The following LSM7 variants were observed in gnomAD, a reference collection of about 807,000 sequenced individuals.
LSM7 encodes LSM7 homolog, U6 small nuclear RNA and mRNA degradation associated.
LSM7 carries 13 observed loss-of-function variants against 14.1 expected under a neutral mutation model. The observed-to-expected ratio is 0.92, with a 90% confidence interval of 0.60 to 1.47. The LOEUF (loss-of-function observed/expected upper bound fraction) is 1.47. Ranked by LOEUF, LSM7 falls within the 40% of genes most tolerant of loss-of-function variation. The pLI, the probability that LSM7 is intolerant of heterozygous loss-of-function variation, is 0.00. For synonymous variants in LSM7, 70 were observed against 57.1 expected, an observed-to-expected ratio of 1.23 and a Z score of -1.02; for missense variants, 108 against 140.8, an observed-to-expected ratio of 0.77 and a Z score of 1.18.
At chr19:2,324,254 G>GGGCCCGCCCCAGCAT (rs1599179028) in intron 2 of LSM7, 58 bp from the exon 3 acceptor site, 17 of 1,380,522 alleles carry the variant, frequency 1.2e-5, no homozygotes, top group Non-Finnish European at 1.6e-5. Context: ...CCTGGGCGCA[G>GGGCCCGCCCCAGCAT]GGCCCGCCCC....
At chr19:2,323,506 A>ACG (rs1967965430) in intron 3 of LSM7, among the ~76,000 whole-genome samples, 2 of 152,156 alleles carry the variant, frequency 1.3e-5, no homozygotes, top group Non-Finnish European at 2.9e-5. Flanking sequence ...GCTGGAGTGC[A>ACG]GTTGCACCAT....
At position 2,324,393 on chromosome 19, in the gene LSM7, G is replaced by A. The variant is rs1015449510; in HGVS notation, c.98-197C>T. On this transcript the variant is annotated intron_variant, in intron 2 of 3. Coordinates refer to ENST00000252622, the MANE Select transcript of LSM7 (RefSeq NM_016199.3). ...ACCACAGGCAGCAGACCACGTCTGCGGGGGGCCAGATGGCAAACACTTCTG... is the reference window on the plus strand; with the variant it reads ...ACCACAGGCAGCAGACCACGTCTGCAGGGGGCCAGATGGCAAACACTTCTG... 2.0e-4 allele frequency: 114 copies of A among 573,712 alleles called. 1 individual carries two copies. The highest frequency in any genetic ancestry group is 3.1e-4 in the Non-Finnish European group (99 of 315,748). The allele number at this position is 573,712 out of a possible 1,614,324, so 35.5% of individuals were successfully genotyped here.
At chr19:2,322,101 AC>A in intron 3 of LSM7, among the ~76,000 whole-genome samples, 1 of 152,158 alleles carries the variant, frequency 6.6e-6, no homozygotes, top group East Asian at 1.9e-4. Flanking sequence ...ATAGCCGGCT[AC>A]CCCGCGTCTC....
At chr19:2,322,527 C>T (rs995969563) in intron 3 of LSM7, among the ~76,000 whole-genome samples, 23 of 152,096 alleles carry the variant, frequency 1.5e-4, no homozygotes, top group South Asian at 2.1e-4. Flanking sequence ...GGTGACAGAG[C>T]GAGATTCCAT....
At chr19:2,324,753 A>G (rs1459161701) in intron 2 of LSM7, 1 of 155,494 alleles carries the variant, frequency 6.4e-6, no homozygotes, top group African/African-American at 2.4e-5. Flanking sequence ...TGAGGACGTC[A>G]CGCTCAGTGA....
intron 3 of LSM7, among the ~76,000 whole-genome samples, chr19:2,323,498 T>C (rs1164991195): frequency 1.3e-5 from 2 of 152,216 alleles, no homozygotes; most frequent in African/African-American, 2.4e-5. Context: ...TTACTCAGGC[T>C]GGAGTGCAGT....
At chr19:2,327,004 C>A (rs1968037140) in intron 2 of LSM7, among the ~76,000 whole-genome samples, 1 of 152,144 alleles carries the variant, frequency 6.6e-6, no homozygotes, top group Admixed American at 6.5e-5. Context: ...AGAAGAAGAC[C>A]CCAAGATGAT....
chr19:2,326,637 ATTG>A (rs1232594104), intron 2 of LSM7, among the ~76,000 whole-genome samples: 2 of 152,158 alleles, frequency 1.3e-5, no homozygotes, highest in East Asian at 1.9e-4. Flanking sequence ...CGCCCAGTTA[ATTG>A]TTGTACTTTT....
In LSM7 at chr19:2,328,448, G is replaced by T. The variant is rs1568423265; in HGVS notation, c.36C>A (p.Ile12=). 6.2e-7 allele frequency: 1 copy of T among 1,613,952 alleles called. No individual in the cohort carries two copies. The highest frequency in any genetic ancestry group is 8.5e-7 in the Non-Finnish European group (1 of 1,179,874). The change falls in exon 2 of 4, where the codon ATC becomes ATA. Residue 12 remains isoleucine, a synonymous_variant. Coordinates refer to ENST00000252622, the MANE Select transcript of LSM7 (RefSeq NM_016199.3). ...ADKEKKKKES[I]LDLSKYIDKT... is the part of the protein sequence containing the mutation. ...TGTCGATGTACTTGGACAAGTCCAA[G>T]ATGCTCTCCTTTTTCTTCTTCTCCT...
chr19:2,326,820 T>C (rs945000565), intron 2 of LSM7, among the ~76,000 whole-genome samples: 1 of 152,206 alleles, frequency 6.6e-6, no homozygotes, highest in Non-Finnish European at 1.5e-5. Flanking sequence ...TAACTGAATA[T>C]GGACAAATGT....
chr19:2,323,753 C>T (rs1049901793), intron 3 of LSM7, among the ~76,000 whole-genome samples: 1 of 152,168 alleles, frequency 6.6e-6, no homozygotes, highest in African/African-American at 2.4e-5. Flanking sequence ...TGCCTGGCCT[C>T]TCACGTCACC....
At chr19:2,326,546 G>C (rs1968022014) in intron 2 of LSM7, among the ~76,000 whole-genome samples, 1 of 152,212 alleles carries the variant, frequency 6.6e-6, no homozygotes. Flanking sequence ...ATGTAGGCCA[G>C]GCTGGTCTCA....
In LSM7 at chr19:2,322,960, C is replaced by T. The variant is rs183450073; in HGVS notation, c.170-1138G>A. On this transcript the variant is annotated intron_variant, in intron 3 of 3. Transcript: ENST00000252622. ...CTCAAATTCCTGGGCTCGAGTGATC[C>T]TCCTGTCTTGGCCTCCCAAAGTGCT... 2.1e-3 allele frequency among the ~76,000 whole-genome samples: 314 copies of T among 152,104 alleles called. 3 individuals carry two copies. Among genetic ancestry groups the T allele is most frequent in the Admixed American group, 4.4e-3 (67 of 15,276 alleles).
At chr19:2,323,341 G>T (rs987278368) in intron 3 of LSM7, among the ~76,000 whole-genome samples, 2 of 152,186 alleles carry the variant, frequency 1.3e-5, no homozygotes, top group African/African-American at 4.8e-5. Flanking sequence ...GCTGCTCTCC[G>T]CTGGGCGCCA....
chr19:2,324,259 C>T (rs996285695), intron 2 of LSM7, 63 bp from the exon 3 acceptor site: 21 of 1,333,294 alleles, frequency 1.6e-5, no homozygotes, highest in East Asian at 5.0e-5. Flanking sequence ...GCGCAGGGCC[C>T]GCCCCAGCAT....
rs1967940139 is a variant in LSM7 at position 2,321,893 on chromosome 19, C to T, written c.170-71G>A. ...TCCGAGACCCCCCACCCACCCAAGA[C>T]CCTCGCTCCGACCTCCCCACCTGCA... On this transcript the variant is annotated intron_variant, in intron 3 of 3. Coordinates refer to ENST00000252622, the MANE Select transcript of LSM7 (RefSeq NM_016199.3). This position sits in a 1 kb window ranked among gnomAD's most constrained non-coding sequence, Gnocchi z 5.0. 2.3e-6 allele frequency: 3 copies of T among 1,308,490 alleles called. No homozygotes were observed. The East Asian group carries it at 9.5e-5, about 42-fold the overall frequency. 81.1% of individuals were successfully genotyped at this position (1,308,490 alleles called of 1,614,324 possible).
At position 2,321,809 on chromosome 19, in the gene LSM7, C is replaced by G; in HGVS notation, c.183G>C (p.Gln61His). 1 of 1,509,958 alleles carries G rather than the reference C, an allele frequency of 6.6e-7. No homozygotes were observed. The highest frequency in any genetic ancestry group is 8.9e-7 in the Non-Finnish European group (1 of 1,124,568). 93.5% of individuals were successfully genotyped at this position (1,509,958 alleles called of 1,614,324 possible). ...GCCGGGTGTCCTCCGTGAGCTTGTA[C>G]TGGTCGTCAGGGTCTGGGGAGGAGC... ...TIEYMRDPDD[Q>H]YKLTEDTRQL... is the part of the protein sequence containing the mutation. The change falls in exon 4 of 4, where the codon CAG (glutamine) becomes CAC (histidine). Residue 61 changes from glutamine (Q) to histidine (H), a missense_variant. Transcript: ENST00000252622. The surrounding 1 kb of genome is among the most constrained non-coding windows in gnomAD (Gnocchi z 5.0).
intron 2 of LSM7, among the ~76,000 whole-genome samples, chr19:2,327,172 A>G (rs1968041898): frequency 6.6e-6 from 1 of 152,274 alleles, no homozygotes; most frequent in Admixed American, 6.5e-5. Context: ...AAAGGGAAGC[A>G]GTGTGACCAG....
Position 2,328,376 on chromosome 19 carries a change from A to G in LSM7, c.97+11T>C. ...TTAAAGAGGGGGTACCGACAGCGGGAGCCTCCTCACCTTCGCGGCCTCCCT... is the reference window on the plus strand; with the variant it reads ...TTAAAGAGGGGGTACCGACAGCGGGGGCCTCCTCACCTTCGCGGCCTCCCT... On this transcript the variant is annotated intron_variant, in intron 2 of 3. Transcript: ENST00000252622. 2 of 1,613,016 alleles carry G rather than the reference A, an allele frequency of 1.2e-6. No individual in the cohort carries two copies. Among genetic ancestry groups the G allele is most frequent in the African/African-American group, 1.3e-5 (1 of 74,998 alleles).
Sources: gnomAD v4.1 joint callset for allele counts (sites outside exome capture counted in the v4.1 genomes callset) on GRCh38, gnomAD v4.1.1 for gene constraint, Gnocchi (gnomAD v3.1) non-coding constraint, MANE v1.5 for transcripts, NCBI Gene and HGNC (gene_info 2026-07-23, HGNC 2026-07-21) for gene names.